Variants in C11orf65 observed in about 807,000 individuals in gnomAD.
C11orf65 encodes protein MFI.
C11orf65 carries 38 observed loss-of-function variants against 35.3 expected under a neutral mutation model. The ratio of observed to expected loss-of-function variants is 1.08; its 90% CI spans 0.83 to 1.41. C11orf65 has a LOEUF of 1.41. Among genes scored for constraint, C11orf65 ranks in the 40% most tolerant of loss-of-function variants. The pLI is 0.00. For missense variants in C11orf65, 370 were observed against 367.1 expected (o/e 1.01, Z -0.06); for synonymous variants, 105 against 114.4 (o/e 0.92, Z 0.53).
intron 2 of C11orf65, among the ~76,000 whole-genome samples, chr11:108,372,616 G>C (rs1233668201): frequency 3.3e-5 from 5 of 152,222 alleles, no homozygotes; most frequent in Admixed American, 2.6e-4. Flanking sequence ...GCAGTGTAAA[G>C]CATCATGGAC....
At chr11:108,309,127 C>G in intron 6 of C11orf65, 2 of 968,554 alleles carry the variant, frequency 2.1e-6, no homozygotes, top group Non-Finnish European at 3.2e-6. Flanking sequence ...CATTCAAGTC[C>G]AAGCTTGTGC....
intron 7 of C11orf65, among the ~76,000 whole-genome samples, chr11:108,388,151 T>C (rs2092057400): frequency 6.6e-6 from 1 of 152,184 alleles, no homozygotes; most frequent in Non-Finnish European, 1.5e-5. Flanking sequence ...GAAACCAAGA[T>C]AAAAGACCTT....
intron 3 of C11orf65, among the ~76,000 whole-genome samples, chr11:108,417,568 CA>C (rs1168538887): frequency 6.9e-5 from 2 of 29,088 alleles, no homozygotes; most frequent in African/African-American, 1.1e-4. Context: ...AACAAACAAA[CA>C]AAAAAAAACC....
intron 2 of C11orf65, among the ~76,000 whole-genome samples, chr11:108,358,343 A>C (rs984741156): frequency 5.1e-4 from 74 of 144,260 alleles, no homozygotes; most frequent in African/African-American, 1.8e-3. Flanking sequence ...AGTGATGGGG[A>C]GAATGGAACC....
intron 3 of C11orf65, among the ~76,000 whole-genome samples, chr11:108,407,631 T>C (rs558081684): frequency 6.7e-6 from 1 of 149,958 alleles, no homozygotes; most frequent in African/African-American, 2.4e-5. Context: ...TTAAAAAAAA[T>C]TTTTTTTTTG....
chr11:108,317,082 C>A (rs2136152606), intron 6 of C11orf65, among the ~76,000 whole-genome samples: 2 of 145,592 alleles, frequency 1.4e-5, no homozygotes, highest in Middle Eastern at 7.1e-3. Flanking sequence ...TACAGGTACA[C>A]ACTACCATAC....
intron 2 of C11orf65, among the ~76,000 whole-genome samples, chr11:108,337,247 T>C (rs964709967): frequency 1.3e-5 from 2 of 152,306 alleles, no homozygotes; most frequent in South Asian, 4.1e-4. Context: ...GAAAGCACAA[T>C]TTTTTCCGTA....
downstream of C11orf65, among the ~76,000 whole-genome samples, chr11:108,331,022 T>C (rs1229041359): frequency 6.6e-6 from 1 of 152,140 alleles, no homozygotes. Flanking sequence ...ATAATAAGAC[T>C]CATAATAGAT....
intron 3 of C11orf65, among the ~76,000 whole-genome samples, chr11:108,429,767 A>G (rs1252597719): frequency 1.3e-5 from 2 of 152,230 alleles, no homozygotes; most frequent in Non-Finnish European, 2.9e-5. Flanking sequence ...TGACTGAACA[A>G]GTACAATGTA....
At chr11:108,331,489 T>C (rs2136493941) in exon 4 of C11orf65, 1 of 1,613,622 alleles carries the variant, frequency 6.2e-7, no homozygotes, top group Non-Finnish European at 8.5e-7. Context: ...GCCTCTTATG[T>C]ACCAATTGGC....
chr11:108,438,102 A>G (rs897748323), intron 2 of C11orf65, among the ~76,000 whole-genome samples: 1 of 152,212 alleles, frequency 6.6e-6, no homozygotes, highest in African/African-American at 2.4e-5. Context: ...AGACTCATAT[A>G]TATGTCGTCA....
At chr11:108,358,178 T>G (rs1044169635) in intron 2 of C11orf65, among the ~76,000 whole-genome samples, 1 of 151,388 alleles carries the variant, frequency 6.6e-6, no homozygotes. Flanking sequence ...TGCGATCAAC[T>G]GGAAGAAAGG....
chr11:108,335,320 G>A (rs1355797396), intron 2 of C11orf65: 1 of 1,446,376 alleles, frequency 6.9e-7, no homozygotes. Flanking sequence ...TTATATGGTT[G>A]ATTCAAGTAA....
intron 1 of C11orf65, among the ~76,000 whole-genome samples, chr11:108,465,761 G>C (rs1173418581): frequency 1.3e-5 from 2 of 152,056 alleles, no homozygotes; most frequent in Non-Finnish European, 2.9e-5. Context: ...AAGGTGGGCG[G>C]ATCATCTGAG....
At chr11:108,440,507 G>T (rs1341743394) in intron 2 of C11orf65, among the ~76,000 whole-genome samples, 1 of 152,040 alleles carries the variant, frequency 6.6e-6, no homozygotes, top group African/African-American at 2.4e-5. Flanking sequence ...TACACTTATT[G>T]GGCATGGAAT....
downstream of C11orf65, among the ~76,000 whole-genome samples, chr11:108,326,470 T>G (rs2085697515): frequency 6.6e-6 from 1 of 152,154 alleles, no homozygotes; most frequent in East Asian, 1.9e-4. Flanking sequence ...TATTAAGCCT[T>G]TAACTTCCTA....
At chr11:108,342,199 C>T (rs1189902292) in intron 2 of C11orf65, among the ~76,000 whole-genome samples, 1 of 152,082 alleles carries the variant, frequency 6.6e-6, no homozygotes, top group African/African-American at 2.4e-5. Context: ...AAAGATTGGA[C>T]ACCCCTGCCT....
chr11:108,466,026 C>A (rs563292547), intron 1 of C11orf65, among the ~76,000 whole-genome samples: 1 of 150,714 alleles, frequency 6.6e-6, no homozygotes, highest in Non-Finnish European at 1.5e-5. Context: ...ACGACAGATT[C>A]TAAAGCATGT....
chr11:108,433,749 G>A (rs1251966789), intron 2 of C11orf65, among the ~76,000 whole-genome samples: 1 of 151,836 alleles, frequency 6.6e-6, no homozygotes, highest in Non-Finnish European at 1.5e-5. Flanking sequence ...CCCCTAAGGG[G>A]GTCAAGTAAA....
Sources: allele counts gnomAD v4.1 joint callset (sites outside exome capture counted in the v4.1 genomes callset), GRCh38; gene constraint gnomAD v4.1.1; transcripts MANE v1.5; gene names NCBI Gene and HGNC (gene_info 2026-07-23, HGNC 2026-07-21).